The following ARPP19 variants were observed in gnomAD, a reference collection of about 807,000 sequenced individuals.
ARPP19 encodes the protein cAMP regulated phosphoprotein 19.
Under a neutral mutation model 12.0 loss-of-function variants are expected in ARPP19, and 8 were observed. That is an observed-to-expected ratio of 0.67 (90% CI 0.39 to 1.21). The LOEUF is 1.21. ARPP19 is among the 50% of genes most tolerant of loss of function. The pLI is 0.01. For missense variants in ARPP19, 102 were observed against 136.3 expected, an observed-to-expected ratio of 0.75 and a Z score of 1.25; for synonymous variants, 47 against 50.4, an observed-to-expected ratio of 0.93 and a Z score of 0.29.
rs548887737 is a variant in ARPP19 at position 52,551,029 on chromosome 15, C to G, written c.*905G>C. 1.3e-4 allele frequency: 20 copies of G among 152,754 alleles called. No individual in the cohort carries two copies. The highest frequency in any genetic ancestry group is 4.8e-4 in the African/African-American group (20 of 41,576). 9.5% of individuals were successfully genotyped at this position (152,754 alleles called of 1,614,324 possible). A position where few individuals can be genotyped will look rare whatever the true frequency, so the allele number is the denominator to read the frequency against. ...AAGCTTAAGTCTATGGCAGATTGAA[C>G]TAAGATTTCAGTTTGGTATTCTATA... On this transcript the variant is annotated 3_prime_UTR_variant, in exon 3 of 3. Transcript: ENST00000249822.
In ARPP19 at chr15:52,547,083, A is replaced by C. The variant is rs1314174163; in HGVS notation, c.*4851T>G. 1 of 123,994 alleles carries C rather than the reference A, an allele frequency of 8.1e-6. No homozygotes were observed. The highest frequency in any genetic ancestry group is 1.7e-5 in the Non-Finnish European group (1 of 59,632). 7.7% of individuals were successfully genotyped at this position (123,994 alleles called of 1,614,324 possible). On this transcript the variant is annotated 3_prime_UTR_variant, in exon 3 of 3. Coordinates refer to ENST00000249822, the MANE Select transcript of ARPP19 (RefSeq NM_006628.6). The stretch of plus-strand genomic sequence containing the variant: ...ACATTTAATCCTACCTTAAGTACAA[A>C]GCCTTTACAAATGCAAAAAAAAAAA...
intron 1 of ARPP19, among the ~76,000 whole-genome samples, chr15:52,566,046 G>A (rs1421890624): frequency 6.6e-6 from 1 of 152,066 alleles, no homozygotes. Context: ...AGTAGAGAGG[G>A]GGTTTCCCCA....
chr15:52,565,382 T>G (rs1298119055), intron 1 of ARPP19, among the ~76,000 whole-genome samples: 1 of 152,242 alleles, frequency 6.6e-6, no homozygotes, highest in Non-Finnish European at 1.5e-5. Flanking sequence ...CTAGTACACA[T>G]GCCTTAGCTT....
intron 2 of ARPP19, among the ~76,000 whole-genome samples, 170 bp from the exon 3 acceptor site, chr15:52,552,274 G>A (rs182928345): frequency 6.6e-6 from 1 of 152,034 alleles, no homozygotes; most frequent in Admixed American, 6.6e-5. Flanking sequence ...CAACAGCCGA[G>A]AAGCCCCCCT....
Position 52,548,152 on chromosome 15 carries a change from ATAT to A in ARPP19, c.*3779_*3781del, listed in dbSNP as rs1024731091. On this transcript the variant is annotated 3_prime_UTR_variant, in exon 3 of 3. Transcript: ENST00000249822. The stretch of plus-strand genomic sequence containing the variant: ...TACCTGAGGCAACCTTGGTCCAAAA[ATAT>A]TATGTGGAAAATTCCAGAAATAAAC... 1.3e-5 allele frequency: 2 copies of A among 152,238 alleles called. No individual in the cohort carries two copies. The highest frequency in any genetic ancestry group is 4.8e-5 in the African/African-American group (2 of 41,456). The allele number at this position is 152,238 out of a possible 1,614,324, so 9.4% of individuals were successfully genotyped here.
rs748869192 is a variant in ARPP19 at position 52,568,878 on chromosome 15, G to A, written c.15C>T (p.Val5=). 2 of 1,568,398 alleles carry A rather than the reference G, an allele frequency of 1.3e-6. No individual in the cohort carries two copies. The highest frequency in any genetic ancestry group is 1.1e-5 in the South Asian group (1 of 87,018). MSAE[V]PEAASAEEQK... The stretch of plus-strand genomic sequence containing the variant: ...GCTCCTCCGCGGAGGCTGCCTCGGG[G>A]ACTTCCGCAGACATAGTGCTCCCTC... Residue 5 remains valine (V), a synonymous_variant, in exon 1 of 3, where the codon GTC becomes GTT. Transcript: ENST00000249822.
At chr15:52,555,013 T>C (rs548991227) in intron 2 of ARPP19, among the ~76,000 whole-genome samples, 4 of 152,006 alleles carry the variant, frequency 2.6e-5, no homozygotes, top group Non-Finnish European at 5.9e-5. Context: ...TAACTAGTGA[T>C]AGAGGAAAAT....
chr15:52,568,703 C>T, intron 1 of ARPP19, 145 bp downstream of exon 1: 2 of 516,916 alleles, frequency 3.9e-6, no homozygotes, highest in Admixed American at 4.4e-5. Context: ...CCAGCGACGG[C>T]GGGAAGCCAA....
Position 52,548,179 on chromosome 15 carries a change from A to G in ARPP19, c.*3755T>C, listed in dbSNP as rs1671841367. The G allele has an allele frequency of 1.3e-5, 2 of 152,362 alleles. No individual in the cohort carries two copies. The highest frequency in any genetic ancestry group is 4.1e-4 in the South Asian group (2 of 4,832). The allele number at this position is 152,362 out of a possible 1,614,324, so 9.4% of individuals were successfully genotyped here. ...ATTATGTGGAAAATTCCAGAAATAAACAATTCATGTTTTAAATCATAAGCC... is the reference window on the plus strand; with the variant it reads ...ATTATGTGGAAAATTCCAGAAATAAGCAATTCATGTTTTAAATCATAAGCC... On this transcript the variant is annotated 3_prime_UTR_variant, in exon 3 of 3. Coordinates refer to ENST00000249822, the MANE Select transcript of ARPP19 (RefSeq NM_006628.6).
intron 1 of ARPP19, among the ~76,000 whole-genome samples, chr15:52,561,503 A>G (rs2078031996): frequency 6.6e-6 from 1 of 152,220 alleles, no homozygotes; most frequent in South Asian, 2.1e-4. Context: ...TTTTAGTTTA[A>G]GTGTTCTATG....
chr15:52,556,706 GCT>G (rs1390459581), intron 2 of ARPP19, among the ~76,000 whole-genome samples: 6 of 152,124 alleles, frequency 3.9e-5, no homozygotes, highest in Non-Finnish European at 8.8e-5. Flanking sequence ...GATAGTGGCT[GCT>G]TTTGGAGAGA....
upstream of ARPP19, chr15:52,569,093 T>C (rs552886829): frequency 1.1e-5 from 6 of 556,972 alleles, no homozygotes; most frequent in African/African-American, 1.2e-4. Context: ...CGCCTGCCCC[T>C]CCCGCACCGC....
intron 2 of ARPP19, among the ~76,000 whole-genome samples, chr15:52,555,466 T>C (rs1370478863): frequency 6.6e-6 from 1 of 152,062 alleles, no homozygotes; most frequent in Non-Finnish European, 1.5e-5. Flanking sequence ...CCCTATATTA[T>C]GATCTTTATG....
intron 2 of ARPP19, among the ~76,000 whole-genome samples, chr15:52,554,601 T>C (rs2077964887): frequency 6.6e-6 from 1 of 152,122 alleles, no homozygotes; most frequent in Admixed American, 6.5e-5. Context: ...CACACAAATT[T>C]ATGGGCCATA....
intron 1 of ARPP19, 75 bp downstream of exon 1, chr15:52,568,773 T>C (rs2078111164): frequency 1.8e-6 from 2 of 1,139,824 alleles, no homozygotes; most frequent in African/African-American, 1.7e-5. Flanking sequence ...GGCGCGGCCC[T>C]CCGCCTGGCG....
chr15:52,555,053 T>A (rs937324816), intron 2 of ARPP19, among the ~76,000 whole-genome samples: 3 of 151,876 alleles, frequency 2.0e-5, no homozygotes, highest in African/African-American at 7.2e-5. Context: ...TCCAGAGTTT[T>A]AAAAAAAATC....
chr15:52,567,917 G>A (rs1555393995), intron 1 of ARPP19, among the ~76,000 whole-genome samples: 1 of 152,128 alleles, frequency 6.6e-6, no homozygotes, highest in Non-Finnish European at 1.5e-5. Context: ...TGATTTGTAA[G>A]AAAAATTGTT....
At chr15:52,564,126 A>T in intron 1 of ARPP19, 1 of 1,179,712 alleles carries the variant, frequency 8.5e-7, no homozygotes, top group Non-Finnish European at 1.2e-6. Context: ...ACCCTAACAA[A>T]CTGTTGTATC....
rs1175492902 is a variant in ARPP19 at position 52,550,698 on chromosome 15, T to C, written c.*1236A>G. On this transcript the variant is annotated 3_prime_UTR_variant, in exon 3 of 3. Coordinates refer to ENST00000249822, the MANE Select transcript of ARPP19 (RefSeq NM_006628.6). ...TGTGTTATATAAAAGAGTAAGGATATAGACACCTATGCTTCCATATACAAC... is the reference window on the plus strand; with the variant it reads ...TGTGTTATATAAAAGAGTAAGGATACAGACACCTATGCTTCCATATACAAC... 6.6e-6 allele frequency: 1 copy of C among 152,252 alleles called. No homozygotes were observed. Among genetic ancestry groups the C allele is most frequent in the Non-Finnish European group, 1.5e-5 (1 of 68,010 alleles). 9.4% of individuals were successfully genotyped at this position (152,252 alleles called of 1,614,324 possible). A position where few individuals can be genotyped will look rare whatever the true frequency, so the allele number is the denominator to read the frequency against.
Sources: allele counts gnomAD v4.1 joint callset (sites outside exome capture counted in the v4.1 genomes callset), GRCh38; gene constraint gnomAD v4.1.1; transcripts MANE v1.5; gene names NCBI Gene and HGNC (gene_info 2026-07-23, HGNC 2026-07-21).